The following SBF2 variants were observed in gnomAD, a reference collection of about 807,000 sequenced individuals.
SBF2 encodes the protein SET binding factor 2, also known as myotubularin-related protein 13.
A neutral mutation model predicts 225.2 loss-of-function variants in SBF2; 112 were observed. The observed-to-expected ratio is 0.50, with a 90% CI of 0.43 to 0.58. The LOEUF is 0.58. SBF2 is among the 20% of genes least tolerant of loss of function. The pLI is 0.00. For missense variants in SBF2, 1,996 were observed against 2,206.2 expected, an observed-to-expected ratio of 0.90 and a Z score of 1.91; for synonymous variants, 763 against 773.3, an observed-to-expected ratio of 0.99 and a Z score of 0.22.
At chr11:10,041,896 A>G (rs1387570213) in intron 3 of SBF2, among the ~76,000 whole-genome samples, 3 of 150,664 alleles carry the variant, frequency 2.0e-5, no homozygotes, top group Non-Finnish European at 4.5e-5. Flanking sequence ...CTTGTATTAT[A>G]GAGCCTGGAA....
At chr11:10,144,950 A>G (rs1375486860) in intron 2 of SBF2, among the ~76,000 whole-genome samples, 1 of 152,342 alleles carries the variant, frequency 6.6e-6, no homozygotes, top group East Asian at 1.9e-4. Context: ...TTTTCTCTTT[A>G]GCATGTGTTC....
At chr11:9,805,208 T>C (rs4910064) in intron 32 of SBF2, among the ~76,000 whole-genome samples, 30,757 of 149,730 alleles carry the variant, frequency 0.21, 4,793 homozygotes, top group African/African-American at 0.42. Context: ...ATCACACCAC[T>C]ACACTCCAAC....
intron 1 of SBF2, among the ~76,000 whole-genome samples, chr11:10,281,538 T>C (rs1455020230): frequency 1.3e-5 from 2 of 152,198 alleles, no homozygotes; most frequent in African/African-American, 4.8e-5. Context: ...AGAATCGCCA[T>C]GGAGGAGAAC....
chr11:10,290,242 T>C (rs11042721), intron 1 of SBF2, among the ~76,000 whole-genome samples: 41,312 of 151,766 alleles, frequency 0.27, 6,415 homozygotes, highest in Non-Finnish European at 0.36. Context: ...CATATTGTCA[T>C]AGACCAAGAG....
chr11:10,018,703 T>C (rs1388572503), intron 6 of SBF2, among the ~76,000 whole-genome samples: 1 of 152,236 alleles, frequency 6.6e-6, no homozygotes, highest in East Asian at 1.9e-4. Context: ...TTTCTTCACA[T>C]GTGATTTGAG....
At chr11:9,782,711 A>G (rs1039999209) in intron 38 of SBF2, among the ~76,000 whole-genome samples, 18 of 152,004 alleles carry the variant, frequency 1.2e-4, no homozygotes, top group African/African-American at 4.1e-4. Context: ...TCTCTACTAA[A>G]AATACAAAAA....
intron 2 of SBF2, among the ~76,000 whole-genome samples, chr11:10,115,385 T>C (rs774858603): frequency 6.6e-6 from 1 of 152,150 alleles, no homozygotes; most frequent in Non-Finnish European, 1.5e-5. Context: ...TTAAGTAAAT[T>C]CAAAAAATGG....
chr11:9,940,227 C>A (rs1208606151), intron 16 of SBF2, among the ~76,000 whole-genome samples: 1 of 152,068 alleles, frequency 6.6e-6, no homozygotes, highest in Non-Finnish European at 1.5e-5. Context: ...CACGGTGAAA[C>A]CCCGTCTGTA....
At chr11:10,234,897 G>T (rs1959002451) in intron 1 of SBF2, among the ~76,000 whole-genome samples, 1 of 152,096 alleles carries the variant, frequency 6.6e-6, no homozygotes, top group Non-Finnish European at 1.5e-5. Flanking sequence ...GTGGCCAGGT[G>T]GTACAGTATC....
At position 10,004,423 on chromosome 11, in the gene SBF2, G is replaced by T. The variant is rs544083254; in HGVS notation, c.620-1734C>A. The stretch of plus-strand genomic sequence containing the variant: ...AACTCTCCCAAGTATAATATTGAGT[G>T]AGGGTAGTAAGGTGCACAATGATTA... On this transcript the variant is annotated intron_variant, in intron 6 of 39. Coordinates refer to ENST00000256190, the MANE Select transcript of SBF2 (RefSeq NM_030962.4). Among the ~76,000 whole-genome samples the T allele has an allele frequency of 2.6e-5, 4 of 151,932 alleles. No homozygotes were observed. In the East Asian group the frequency reaches 7.7e-4, roughly 29 times the overall value.
At chr11:9,970,620 A>C (rs1007556519) in intron 13 of SBF2, among the ~76,000 whole-genome samples, 5 of 152,130 alleles carry the variant, frequency 3.3e-5, no homozygotes, top group Non-Finnish European at 7.3e-5. Flanking sequence ...TAATAGAAAC[A>C]CACTGCTTCC....
intron 38 of SBF2, among the ~76,000 whole-genome samples, chr11:9,783,784 G>A (rs959477302): frequency 1.3e-5 from 2 of 152,168 alleles, no homozygotes; most frequent in Non-Finnish European, 2.9e-5. Flanking sequence ...GCCGCTTTTG[G>A]GGCCCCTTTA....
chr11:10,022,210 G>A (rs1948885057), intron 6 of SBF2, among the ~76,000 whole-genome samples: 1 of 152,052 alleles, frequency 6.6e-6, no homozygotes. Flanking sequence ...AATAAGACAT[G>A]TAAGTTTTAG....
intron 6 of SBF2, among the ~76,000 whole-genome samples, chr11:10,013,831 A>C (rs560205112): frequency 6.6e-6 from 1 of 152,352 alleles, no homozygotes; most frequent in East Asian, 1.9e-4. Flanking sequence ...TGTATTTCCC[A>C]GTCAGCACTT....
At chr11:10,015,762 G>A (rs936941354) in intron 6 of SBF2, among the ~76,000 whole-genome samples, 4 of 152,080 alleles carry the variant, frequency 2.6e-5, no homozygotes, top group Non-Finnish European at 5.9e-5. Context: ...GTCATGTCAA[G>A]TCTAGTCTTT....
chr11:9,919,098 G>A (rs1444868530), intron 16 of SBF2, among the ~76,000 whole-genome samples: 1 of 152,054 alleles, frequency 6.6e-6, no homozygotes, highest in East Asian at 1.9e-4. Context: ...AGAAGTAAAT[G>A]TATGGAGGTA....
At chr11:10,239,217 T>C (rs1959176622) in intron 1 of SBF2, among the ~76,000 whole-genome samples, 1 of 150,598 alleles carries the variant, frequency 6.6e-6, no homozygotes, top group Non-Finnish European at 1.5e-5. Context: ...TTTACCAAAA[T>C]TCAATTTGTT....
At chr11:9,795,810 C>T in intron 33 of SBF2, 21 bp downstream of exon 33, 1 of 1,612,032 alleles carries the variant, frequency 6.2e-7, no homozygotes, top group Admixed American at 1.7e-5. Context: ...AAAGATGAAA[C>T]AAGGGCATAC....
chr11:10,000,292 G>C (rs1947903402), intron 8 of SBF2, among the ~76,000 whole-genome samples: 1 of 152,040 alleles, frequency 6.6e-6, no homozygotes, highest in Non-Finnish European at 1.5e-5. Flanking sequence ...AATTTCCTTA[G>C]GCCCTTACAG....
Sources: allele counts gnomAD v4.1 joint callset (sites outside exome capture counted in the v4.1 genomes callset), GRCh38; gene constraint gnomAD v4.1.1; transcripts MANE v1.5; gene names NCBI Gene and HGNC (gene_info 2026-07-23, HGNC 2026-07-21).